The following IL1RAPL1 variants were observed in gnomAD, a reference collection of about 807,000 sequenced individuals.
The protein encoded by IL1RAPL1 is interleukin-1 receptor accessory protein-like 1.
Under a neutral mutation model 48.4 loss-of-function variants are expected in IL1RAPL1, and 3 were observed. The observed-to-expected ratio is 0.06, with a 90% CI of 0.03 to 0.16. IL1RAPL1 has a LOEUF of 0.16. Among genes scored for constraint, IL1RAPL1 ranks in the 10% least tolerant of loss-of-function variants. The pLI is 1.00. For synonymous variants in IL1RAPL1, 185 were observed against 187.7 expected (o/e 0.99, Z 0.12); for missense variants, 349 against 530.6 (o/e 0.66, Z 3.36).
intron 1 of IL1RAPL1, among the ~76,000 whole-genome samples, chrX:28,786,193 C>T (rs1398271055): frequency 9.0e-6 from 1 of 111,531 alleles, no homozygotes; most frequent in African/African-American, 3.3e-5. Flanking sequence ...ACAATAAAAA[C>T]AGAAGCTTTG....
intron 1 of IL1RAPL1, among the ~76,000 whole-genome samples, chrX:28,639,973 G>A (rs998409618): frequency 1.8e-5 from 2 of 111,547 alleles, no homozygotes; most frequent in Non-Finnish European, 1.9e-5. Context: ...AGAACATATG[G>A]GATAAAACAA....
intron 5 of IL1RAPL1, among the ~76,000 whole-genome samples, chrX:29,576,504 T>C (rs1382302814): frequency 8.9e-6 from 1 of 111,995 alleles, no homozygotes; most frequent in East Asian, 2.8e-4. Context: ...TTTGTTGTAA[T>C]TGTATACTTT....
At chrX:28,606,380 C>T (rs903222189) in intron 1 of IL1RAPL1, among the ~76,000 whole-genome samples, 1 of 111,797 alleles carries the variant, frequency 8.9e-6, no homozygotes, top group Non-Finnish European at 1.9e-5. Flanking sequence ...ATGGTATACA[C>T]CAAAAATCAA....
intron 3 of IL1RAPL1, among the ~76,000 whole-genome samples, chrX:29,391,558 C>CA (rs1933853311): frequency 9.0e-6 from 1 of 110,505 alleles, no homozygotes; most frequent in Admixed American, 9.7e-5. Flanking sequence ...CCTAAATTTT[C>CA]AAAAAAATCA....
intron 1 of IL1RAPL1, among the ~76,000 whole-genome samples, chrX:28,598,833 G>A (rs368620878): frequency 2.8e-5 from 3 of 108,651 alleles, no homozygotes; most frequent in Non-Finnish European, 3.8e-5. Context: ...TCACCATGTC[G>A]GCCAGGCTGG....
chrX:29,115,728 A>G (rs1293961465), intron 2 of IL1RAPL1, among the ~76,000 whole-genome samples: 2 of 109,680 alleles, frequency 1.8e-5, no homozygotes, highest in Non-Finnish European at 3.8e-5. Context: ...TAGTTCACTC[A>G]TATTTTCATG....
chrX:29,085,532 G>A (rs1319856972), intron 2 of IL1RAPL1, among the ~76,000 whole-genome samples: 2 of 111,825 alleles, frequency 1.8e-5, no homozygotes, highest in East Asian at 5.6e-4. Flanking sequence ...CAGATACAGA[G>A]GATTTAGCTT....
intron 5 of IL1RAPL1, among the ~76,000 whole-genome samples, chrX:29,510,012 C>T (rs1467271343): frequency 9.0e-6 from 1 of 111,605 alleles, no homozygotes; most frequent in African/African-American, 3.3e-5. Context: ...TGATTTTTAC[C>T]GTTATCAGAA....
At chrX:29,541,963 T>C (rs1240208579) in intron 5 of IL1RAPL1, among the ~76,000 whole-genome samples, 1 of 111,253 alleles carries the variant, frequency 9.0e-6, no homozygotes, top group Non-Finnish European at 1.9e-5. Flanking sequence ...TAAAAAATAA[T>C]TTTGATACAG....
chrX:29,644,612 G>C (rs1001973555), intron 5 of IL1RAPL1, among the ~76,000 whole-genome samples: 2 of 110,255 alleles, frequency 1.8e-5, no homozygotes, highest in Admixed American at 1.9e-4. Flanking sequence ...TGTCAACCAG[G>C]CTGGAGTGCC....
chrX:29,300,030 T>C (rs759024954), intron 3 of IL1RAPL1, among the ~76,000 whole-genome samples: 1 of 111,714 alleles, frequency 9.0e-6, no homozygotes, highest in Non-Finnish European at 1.9e-5. Flanking sequence ...CTCTGCTCTC[T>C]TTTGCCTTCC....
At chrX:28,634,757 AT>A (rs772224726) in intron 1 of IL1RAPL1, among the ~76,000 whole-genome samples, 100 of 107,371 alleles carry the variant, frequency 9.3e-4, no homozygotes, top group Non-Finnish European at 1.7e-3. Flanking sequence ...TATTCTTTCT[AT>A]TTTTTTTAAC....
At chrX:29,655,545 C>T (rs1173562977) in intron 5 of IL1RAPL1, among the ~76,000 whole-genome samples, 1 of 107,822 alleles carries the variant, frequency 9.3e-6, no homozygotes, top group Non-Finnish European at 1.9e-5. Flanking sequence ...CGCCTGTAGT[C>T]CCAGCTACTC....
At chrX:28,674,011 T>A (rs961402681) in intron 1 of IL1RAPL1, among the ~76,000 whole-genome samples, 8 of 111,892 alleles carry the variant, frequency 7.1e-5, no homozygotes, top group Non-Finnish European at 1.5e-4. Context: ...ACAGGCTTTC[T>A]TTCAGTGTAT....
intron 2 of IL1RAPL1, among the ~76,000 whole-genome samples, chrX:29,212,316 A>G (rs141985959): frequency 0.23 from 25,347 of 108,083 alleles, 3,003 homozygotes; most frequent in Non-Finnish European, 0.35. Context: ...AGTCCCCCCA[A>G]TTTTTTTTTC....
chrX:29,553,150 T>C (rs1468295847), intron 5 of IL1RAPL1, among the ~76,000 whole-genome samples: 1 of 111,969 alleles, frequency 8.9e-6, no homozygotes, highest in Non-Finnish European at 1.9e-5. Flanking sequence ...TTTATCTTTC[T>C]TTTTTGTGTG....
intron 1 of IL1RAPL1, among the ~76,000 whole-genome samples, chrX:28,710,013 T>C (rs186945828): frequency 2.8e-4 from 31 of 111,935 alleles, no homozygotes; most frequent in Non-Finnish European, 4.3e-4. Flanking sequence ...TCTATTTTTA[T>C]AGACAGCGAG....
At chrX:29,898,091 G>A (rs986020546) in intron 6 of IL1RAPL1, among the ~76,000 whole-genome samples, 5 of 111,750 alleles carry the variant, frequency 4.5e-5, no homozygotes, top group African/African-American at 1.6e-4. Flanking sequence ...AGCTTCATCC[G>A]TGGAATCTTA....
intron 6 of IL1RAPL1, among the ~76,000 whole-genome samples, chrX:29,716,409 C>T (rs1927486450): frequency 9.0e-6 from 1 of 111,644 alleles, no homozygotes; most frequent in Admixed American, 9.5e-5. Flanking sequence ...ACCATTTATC[C>T]TATTCCTCCC....
Sources: gnomAD v4.1 joint callset for allele counts (sites outside exome capture counted in the v4.1 genomes callset) on GRCh38, gnomAD v4.1.1 for gene constraint, MANE v1.5 for transcripts, NCBI Gene and HGNC (gene_info 2026-07-23, HGNC 2026-07-21) for gene names.